Variants in PRRX1 observed in about 807,000 individuals in gnomAD.
PRRX1 encodes the protein paired mesoderm homeobox protein 1.
In PRRX1, 8 loss-of-function variants were observed where a neutral mutation model predicts 24.0. The observed-to-expected ratio is 0.33, with a 90% CI of 0.20 to 0.60. The LOEUF (loss-of-function observed/expected upper bound fraction) is 0.60, where lower values mean the gene tolerates loss of function less well. PRRX1 is among the 20% of genes least tolerant of loss of function. The pLI, the probability that PRRX1 is intolerant of heterozygous loss-of-function variation, is 0.82. For synonymous variants in PRRX1, 160 were observed against 131.7 expected (o/e 1.22, Z -1.47); for missense variants, 281 against 322.4 (o/e 0.87, Z 0.98).
At chr1:170,689,295 A>G (rs1296066945) in intron 1 of PRRX1, among the ~76,000 whole-genome samples, 1 of 152,192 alleles carries the variant, frequency 6.6e-6, no homozygotes, top group African/African-American at 2.4e-5. Flanking sequence ...TACTGTTCTT[A>G]GAACAAAGTA....
chr1:170,708,433 A>C (rs1179842698), intron 1 of PRRX1, among the ~76,000 whole-genome samples: 1 of 152,176 alleles, frequency 6.6e-6, no homozygotes, highest in Admixed American at 6.5e-5. Context: ...TGTGGTTGAC[A>C]GGCCGTAATG....
At chr1:170,677,262 C>T (rs559432842) in intron 1 of PRRX1, among the ~76,000 whole-genome samples, 138 of 152,318 alleles carry the variant, frequency 9.1e-4, no homozygotes, top group African/African-American at 3.1e-3. Flanking sequence ...TCAATTTCCT[C>T]ATCTATAAAA....
At chr1:170,717,551 A>C (rs1654944623) in intron 1 of PRRX1, among the ~76,000 whole-genome samples, 1 of 152,182 alleles carries the variant, frequency 6.6e-6, no homozygotes, top group African/African-American at 2.4e-5. Flanking sequence ...ATTAAAAATA[A>C]TGGCTTAGTG....
chr1:170,719,257 T>A (rs967783529), intron 1 of PRRX1, among the ~76,000 whole-genome samples: 1 of 152,244 alleles, frequency 6.6e-6, no homozygotes, highest in African/African-American at 2.4e-5. Context: ...TATAACTCTA[T>A]GTATTTGTTC....
intron 2 of PRRX1, 41 bp from the exon 3 acceptor site, chr1:170,726,177 CCT>C: frequency 6.4e-7 from 1 of 1,570,402 alleles, no homozygotes. Context: ...CTTTGTTTTT[CCT>C]CTCTTTCCTT....
At chr1:170,721,672 C>G (rs1655089673) in intron 2 of PRRX1, among the ~76,000 whole-genome samples, 1 of 152,174 alleles carries the variant, frequency 6.6e-6, no homozygotes, top group African/African-American at 2.4e-5. Flanking sequence ...CCTTTGGGCT[C>G]AAGTGAGAGT....
chr1:170,736,540 G>T lies in PRRX1; in HGVS notation c.*354G>T. On this transcript the variant is annotated 3_prime_UTR_variant, in exon 4 of 4. Coordinates refer to ENST00000239461, the MANE Select transcript of PRRX1 (RefSeq NM_022716.4). ...TTTAAAAAAAACTACAGCAGCCAAA[G>T]AAACTATATATATATATATATATAT... The T allele has an allele frequency of 7.3e-6, 2 of 273,742 alleles. No individual in the cohort carries two copies. Among genetic ancestry groups the T allele is most frequent in the Non-Finnish European group, 1.3e-5 (2 of 152,642 alleles). 17.0% of individuals were successfully genotyped at this position (273,742 alleles called of 1,614,324 possible).
intron 1 of PRRX1, among the ~76,000 whole-genome samples, chr1:170,714,474 TTA>T (rs1654844023): frequency 6.6e-6 from 1 of 152,232 alleles, no homozygotes; most frequent in Admixed American, 6.5e-5. Context: ...AGCTGGCATT[TTA>T]TCTTCTTGCA....
intron 1 of PRRX1, among the ~76,000 whole-genome samples, chr1:170,701,455 C>T (rs368639986): frequency 6.6e-6 from 1 of 152,278 alleles, no homozygotes; most frequent in African/African-American, 2.4e-5. Context: ...TTTAAAGGCT[C>T]ATATAATCCT....
chr1:170,688,341 A>C (rs1653815054), intron 1 of PRRX1, among the ~76,000 whole-genome samples: 1 of 151,758 alleles, frequency 6.6e-6, no homozygotes, highest in African/African-American at 2.4e-5. Context: ...TAAGGTATCT[A>C]TTTTTTTTCT....
chr1:170,704,648 A>G (rs764393350), intron 1 of PRRX1, among the ~76,000 whole-genome samples: 19 of 152,212 alleles, frequency 1.2e-4, no homozygotes, highest in Non-Finnish European at 2.2e-4. Context: ...CTTAGCCTCC[A>G]CAAATGATGA....
upstream of PRRX1, chr1:170,664,107 C>CTCTCTCTCTCTCTCTCTCT (rs1553250934): frequency 6.4e-5 from 70 of 1,091,112 alleles, no homozygotes; most frequent in South Asian, 8.2e-5. Context: ...CTCTCTCTCT[C>CTCTCTCTCTCTCTCTCTCT]CACTACCCCC....
At chr1:170,735,171 A>G (rs988015547) in intron 3 of PRRX1, among the ~76,000 whole-genome samples, 16 of 152,228 alleles carry the variant, frequency 1.1e-4, no homozygotes, top group Non-Finnish European at 1.5e-5. Flanking sequence ...ACAGAGATTC[A>G]TGGATGCAAT....
chr1:170,734,657 A>G (rs111665735), intron 3 of PRRX1, among the ~76,000 whole-genome samples: 2 of 151,814 alleles, frequency 1.3e-5, no homozygotes. Flanking sequence ...ACATACATGT[A>G]TGTGTGCACA....
rs2101931956 is a variant in PRRX1, at chr1:170,738,673, A to T, written c.*2487A>T. Reference sequence around the variant, plus strand: ...GGCTAAGAAGATTTGAATTATAGGGAGGGAACAGAAATCATACATGAAAAG... The same window carrying T: ...GGCTAAGAAGATTTGAATTATAGGGTGGGAACAGAAATCATACATGAAAAG... On this transcript the variant is annotated 3_prime_UTR_variant, in exon 4 of 4. Coordinates refer to ENST00000239461, the MANE Select transcript of PRRX1 (RefSeq NM_022716.4). 4.4e-6 allele frequency: 1 copy of T among 228,922 alleles called. No homozygotes were observed. The highest frequency in any genetic ancestry group is 6.3e-5 in the East Asian group (1 of 15,918). 14.2% of individuals were successfully genotyped at this position (228,922 alleles called of 1,614,324 possible).
chr1:170,707,041 C>T (rs1327166969), intron 1 of PRRX1, among the ~76,000 whole-genome samples: 1 of 151,908 alleles, frequency 6.6e-6, no homozygotes, highest in Non-Finnish European at 1.5e-5. Flanking sequence ...AGGAGGATCA[C>T]TTGAGCCCAG....
At chr1:170,679,389 G>GTTTTATTTTATTTTA (rs372171104) in intron 1 of PRRX1, among the ~76,000 whole-genome samples, 4 of 152,010 alleles carry the variant, frequency 2.6e-5, no homozygotes, top group African/African-American at 9.7e-5. Context: ...AAGACTAACT[G>GTTTTATTTTATTTTA]TTTTATTTTA....
chr1:170,725,630 G>T (rs1040640432), intron 2 of PRRX1, among the ~76,000 whole-genome samples: 2 of 152,222 alleles, frequency 1.3e-5, no homozygotes, highest in African/African-American at 2.4e-5. Flanking sequence ...CTACCACAGA[G>T]ATAGCTGGTT....
intron 1 of PRRX1, among the ~76,000 whole-genome samples, chr1:170,674,084 C>T (rs1455287242): frequency 1.3e-5 from 2 of 152,206 alleles, no homozygotes; most frequent in African/African-American, 4.8e-5. Context: ...AACTCACAAT[C>T]ACTTTTCATT....
Sources: gnomAD v4.1 joint callset for allele counts (sites outside exome capture counted in the v4.1 genomes callset) on GRCh38, gnomAD v4.1.1 for gene constraint, MANE v1.5 for transcripts, NCBI Gene and HGNC (gene_info 2026-07-23, HGNC 2026-07-21) for gene names.